Variants in NBAS observed in about 807,000 individuals in gnomAD.
NBAS encodes NBAS subunit of NRZ tethering complex, also known as NAG/BC035112 fusion.
NBAS carries 219 observed loss-of-function variants against 302.5 expected under a neutral mutation model. The ratio of observed to expected loss-of-function variants is 0.72; its 90% CI spans 0.65 to 0.81. The LOEUF (loss-of-function observed/expected upper bound fraction) is 0.81, where lower values mean the gene tolerates loss of function less well. Ranked by LOEUF, NBAS falls within the 30% of genes least tolerant of loss-of-function variation. NBAS has a pLI of 0.00. For synonymous variants in NBAS, 1,118 were observed against 1,021.6 expected, an observed-to-expected ratio of 1.09 and a Z score of -1.80; for missense variants, 2,932 against 2,841.6, an observed-to-expected ratio of 1.03 and a Z score of -0.72.
At chr2:14,888,796 G>A in the NBAS span, among the ~76,000 whole-genome samples, 1 of 152,150 alleles carries the variant, frequency 6.6e-6, no homozygotes, top group Non-Finnish European at 1.5e-5. Context: ...GCTCCAAAGA[G>A]GAAGATGAAG....
the NBAS span, among the ~76,000 whole-genome samples, chr2:14,960,907 T>C: frequency 5.3e-5 from 8 of 152,138 alleles, no homozygotes; most frequent in Non-Finnish European, 1.2e-4. Context: ...TTGTTGTGTT[T>C]GAGGTAGAAG....
At chr2:14,901,384 G>A in the NBAS span, among the ~76,000 whole-genome samples, 11 of 151,948 alleles carry the variant, frequency 7.2e-5, no homozygotes, top group Non-Finnish European at 1.3e-4. Flanking sequence ...CAGAATAAAG[G>A]AGAAAATTTG....
chr2:15,304,589 G>A (rs1329218685), intron 40 of NBAS, among the ~76,000 whole-genome samples: 1 of 152,224 alleles, frequency 6.6e-6, no homozygotes, highest in African/African-American at 2.4e-5. Context: ...GAGACTTGTT[G>A]AATGACTTTG....
the NBAS span, among the ~76,000 whole-genome samples, chr2:14,974,463 C>T: frequency 5.9e-5 from 9 of 152,274 alleles, no homozygotes; most frequent in East Asian, 1.7e-3. Flanking sequence ...ATATTTGCTG[C>T]TGTGCAAGTT....
At chr2:15,519,437 AT>A (rs749888088) in intron 9 of NBAS, among the ~76,000 whole-genome samples, 5 of 148,790 alleles carry the variant, frequency 3.4e-5, no homozygotes, top group African/African-American at 7.4e-5. Context: ...TCATTTCTTT[AT>A]TTTTTTTTTA....
intron 11 of NBAS, among the ~76,000 whole-genome samples, chr2:15,494,521 C>T (rs1680993889): frequency 6.6e-6 from 1 of 152,224 alleles, no homozygotes; most frequent in African/African-American, 2.4e-5. Context: ...ATGTCTCATT[C>T]ATTTGGCACT....
intron 21 of NBAS, among the ~76,000 whole-genome samples, chr2:15,430,212 G>T (rs1256635083): frequency 6.6e-6 from 1 of 152,178 alleles, no homozygotes; most frequent in Admixed American, 6.5e-5. Context: ...GTAGAGACTA[G>T]TAAGTTGTAA....
At chr2:15,192,915 C>A (rs1277092263) in intron 48 of NBAS, among the ~76,000 whole-genome samples, 1 of 151,988 alleles carries the variant, frequency 6.6e-6, no homozygotes, top group African/African-American at 2.4e-5. Flanking sequence ...AAGAGATTAA[C>A]AATAAAAGAA....
At chr2:15,052,759 G>A in the NBAS span, among the ~76,000 whole-genome samples, 1 of 152,142 alleles carries the variant, frequency 6.6e-6, no homozygotes, top group Non-Finnish European at 1.5e-5. Flanking sequence ...AATTGTAATA[G>A]CAATCCAATG....
At chr2:15,087,538 A>C in the NBAS span, among the ~76,000 whole-genome samples, 7,372 of 152,252 alleles carry the variant, frequency 0.048, 399 homozygotes, top group African/African-American at 0.11. Flanking sequence ...CCTTTTCTCC[A>C]GGGCAGAGGA....
chr2:15,432,700 G>T lies in NBAS; in HGVS notation c.2340-4906C>A, dbSNP rs370215440. On this transcript the variant is annotated intron_variant, in intron 21 of 51. Coordinates refer to ENST00000281513, the MANE Select transcript of NBAS (RefSeq NM_015909.4). ...TCTATTATTTAGCAGAGAATAAAAC[G>T]TTCTGGCAAGTAAAGAATAAAAATA... is the stretch of plus-strand genomic sequence containing the variant. Among the ~76,000 whole-genome samples, 12 of 152,054 alleles carry T rather than the reference G, an allele frequency of 7.9e-5. No individual in the cohort carries two copies. In the South Asian group the frequency reaches 2.5e-3, roughly 32 times the overall value.
intron 44 of NBAS, among the ~76,000 whole-genome samples, chr2:15,247,682 A>C (rs116788529): frequency 0.14 from 19,129 of 138,692 alleles, 1,490 homozygotes; most frequent in African/African-American, 0.25. Context: ...CTCTCTCTCT[A>C]TATATATATC....
chr2:14,895,695 G>C, the NBAS span, among the ~76,000 whole-genome samples: 2,917 of 149,876 alleles, frequency 0.019, 33 homozygotes, highest in Non-Finnish European at 0.029. Context: ...AGCTGAGATC[G>C]CGCCACCGCA....
At chr2:14,899,851 T>C in the NBAS span, among the ~76,000 whole-genome samples, 437 of 151,960 alleles carry the variant, frequency 2.9e-3, 1 homozygote, top group African/African-American at 0.01. Flanking sequence ...AAGAAACACA[T>C]CTACAAGTTT....
At chr2:14,786,279 G>C in the NBAS span, among the ~76,000 whole-genome samples, 2 of 151,956 alleles carry the variant, frequency 1.3e-5, no homozygotes, top group African/African-American at 4.8e-5. Flanking sequence ...CCAGCTCCTG[G>C]ATTCATTGAT....
chr2:15,369,744 A>G (rs1178244943), intron 31 of NBAS, among the ~76,000 whole-genome samples: 1 of 152,244 alleles, frequency 6.6e-6, no homozygotes, highest in Admixed American at 6.5e-5. Flanking sequence ...ATTAAAGATA[A>G]TCTAATTTTC....
chr2:15,464,393 G>T (rs1376662362), intron 19 of NBAS, among the ~76,000 whole-genome samples: 1 of 151,976 alleles, frequency 6.6e-6, no homozygotes, highest in Admixed American at 6.6e-5. Context: ...ACCTGCATCT[G>T]TAATAAGATT....
chr2:15,341,556 A>T (rs1457791954), intron 35 of NBAS, among the ~76,000 whole-genome samples: 1 of 152,138 alleles, frequency 6.6e-6, no homozygotes, highest in Admixed American at 6.5e-5. Flanking sequence ...ATAACAATAG[A>T]TAAAAAACAA....
chr2:15,175,514 G>A (rs1664495103), intron 51 of NBAS, among the ~76,000 whole-genome samples: 1 of 152,212 alleles, frequency 6.6e-6, no homozygotes, highest in African/African-American at 2.4e-5. Flanking sequence ...AAATATTCCA[G>A]AGATGCGAGT....
Sources: allele counts gnomAD v4.1 joint callset (sites outside exome capture counted in the v4.1 genomes callset), GRCh38; gene constraint gnomAD v4.1.1; transcripts MANE v1.5; gene names NCBI Gene and HGNC (gene_info 2026-07-23, HGNC 2026-07-21).